Variants in CCNY observed in about 807,000 individuals in gnomAD.
CCNY encodes cyclin-Y.
CCNY carries 19 observed loss-of-function variants against 42.8 expected under a neutral mutation model. The observed-to-expected ratio is 0.44, with a 90% CI of 0.31 to 0.65. CCNY has a LOEUF of 0.65. CCNY is among the 30% of genes least tolerant of loss of function. The probability of loss-of-function intolerance (pLI) is 0.07; values close to 1 mark genes in which losing one functional copy is unlikely to be tolerated. For synonymous variants in CCNY, 165 were observed against 162.7 expected (o/e 1.01, Z -0.11); for missense variants, 370 against 437.3 (o/e 0.85, Z 1.37).
intron 3 of CCNY, among the ~76,000 whole-genome samples, chr10:35,256,618 G>T (rs930363484): frequency 6.6e-6 from 1 of 151,900 alleles, no homozygotes; most frequent in Non-Finnish European, 1.5e-5. Context: ...TGTAATCCCA[G>T]CTACTAGGGA....
At chr10:35,560,676 A>G (rs1273358923) in intron 8 of CCNY, among the ~76,000 whole-genome samples, 1 of 152,262 alleles carries the variant, frequency 6.6e-6, no homozygotes, top group Non-Finnish European at 1.5e-5. Flanking sequence ...AATGAAATCT[A>G]CATTCTAGGA....
intron 1 of CCNY, among the ~76,000 whole-genome samples, chr10:35,369,196 T>C (rs1401679167): frequency 1.3e-5 from 2 of 152,060 alleles, no homozygotes; most frequent in Non-Finnish European, 2.9e-5. Context: ...GAGGTGCTGG[T>C]GACTGTGCCT....
intron 1 of CCNY, among the ~76,000 whole-genome samples, chr10:35,438,902 C>T (rs897178892): frequency 5.3e-5 from 8 of 152,200 alleles, no homozygotes. Context: ...ATTTCCTCTT[C>T]ATTCCTTAAT....
At chr10:35,502,266 C>T (rs538225530) in intron 3 of CCNY, among the ~76,000 whole-genome samples, 7 of 152,212 alleles carry the variant, frequency 4.6e-5, no homozygotes, top group Non-Finnish European at 7.4e-5. Flanking sequence ...GAAAACTCTC[C>T]GAGAGGGATG....
rs1836052538 is a variant in CCNY, at chr10:35,336,999, C to T, written c.-55C>T. The T allele has an allele frequency of 1.5e-6, 2 of 1,323,274 alleles. No individual in the cohort carries two copies. The highest frequency in any genetic ancestry group is 3.0e-5 in the East Asian group (1 of 33,178). 82.0% of individuals were successfully genotyped at this position (1,323,274 alleles called of 1,614,324 possible). A position where few individuals can be genotyped will look rare whatever the true frequency, so the allele number is the denominator to read the frequency against. On this transcript the variant is annotated 5_prime_UTR_variant, in exon 1 of 10. Coordinates refer to ENST00000374704, the MANE Select transcript of CCNY (RefSeq NM_145012.6). ...CCGCGCCCCGCGTCCACCCGCGCCC[C>T]GCTCCCGGGGACTGGGAGAACAGGA...
rs749097042 is a variant in CCNY, at chr10:35,383,349, C to T, written c.154+46142C>T. On this transcript the variant is annotated intron_variant, in intron 1 of 9. Transcript: ENST00000374704. The stretch of plus-strand genomic sequence containing the variant: ...TTAAGATGGTGTTTTGCTCTGTTGC[C>T]CAGGCTGGAGTGCAGTGGCACAATC... Among the ~76,000 whole-genome samples the T allele has an allele frequency of 4.5e-4, 69 of 151,904 alleles. No individual in the cohort carries two copies. In the Middle Eastern group the frequency reaches 0.01, roughly 22 times the overall value.
intron 3 of CCNY, among the ~76,000 whole-genome samples, chr10:35,294,892 T>C (rs1835452469): frequency 6.6e-6 from 1 of 152,192 alleles, no homozygotes; most frequent in South Asian, 2.1e-4. Context: ...TCGTGGTAGT[T>C]TTCTGATGAT....
intron 2 of CCNY, among the ~76,000 whole-genome samples, chr10:35,249,367 G>A (rs1020866247): frequency 6.6e-6 from 1 of 152,088 alleles, no homozygotes; most frequent in South Asian, 2.1e-4. Context: ...GGGCTTTTTT[G>A]TGTATGTATA....
chr10:35,560,318 C>A (rs1841441537), intron 8 of CCNY, among the ~76,000 whole-genome samples: 1 of 152,122 alleles, frequency 6.6e-6, no homozygotes, highest in African/African-American at 2.4e-5. Context: ...CATGCAAAGC[C>A]CTCCCAACCC....
At chr10:35,300,149 C>T (rs1042053301) in intron 3 of CCNY, among the ~76,000 whole-genome samples, 2 of 152,190 alleles carry the variant, frequency 1.3e-5, no homozygotes, top group African/African-American at 4.8e-5. Flanking sequence ...TTACGTTGTG[C>T]GTGAGCCAAA....
chr10:35,494,233 G>GGCC (rs1589158229), intron 2 of CCNY, among the ~76,000 whole-genome samples: 2 of 19,900 alleles, frequency 1.0e-4, no homozygotes, highest in Non-Finnish European at 4.0e-4. Context: ...AGCATAGTGA[G>GGCC]ACCCCCCCCC....
At chr10:35,491,469 A>AGT (rs1839893292) in intron 2 of CCNY, among the ~76,000 whole-genome samples, 1 of 152,140 alleles carries the variant, frequency 6.6e-6, no homozygotes, top group Non-Finnish European at 1.5e-5. Flanking sequence ...CCGTCCTGCC[A>AGT]GTGTAAGCAT....
chr10:35,400,550 G>T (rs1005019037), intron 1 of CCNY, among the ~76,000 whole-genome samples: 2 of 152,160 alleles, frequency 1.3e-5, no homozygotes, highest in Admixed American at 1.3e-4. Context: ...TAAAATATTA[G>T]TAATTTTTTC....
At chr10:35,475,824 A>G (rs1206292363) in intron 1 of CCNY, among the ~76,000 whole-genome samples, 2 of 151,572 alleles carry the variant, frequency 1.3e-5, no homozygotes, top group East Asian at 3.9e-4. Context: ...AAATGCTCCA[A>G]TTAAAAGACA....
intron 1 of CCNY, among the ~76,000 whole-genome samples, chr10:35,393,595 T>C (rs1168037649): frequency 6.6e-6 from 1 of 152,244 alleles, no homozygotes; most frequent in African/African-American, 2.4e-5. Context: ...CTTGTGTTTT[T>C]CCTTACATCT....
intron 3 of CCNY, among the ~76,000 whole-genome samples, chr10:35,291,991 C>T (rs927890295): frequency 6.6e-6 from 1 of 152,176 alleles, no homozygotes; most frequent in African/African-American, 2.4e-5. Context: ...ACATTCCCAC[C>T]AGTAGCGTAG....
At chr10:35,321,779 A>G (rs575163370) in intron 3 of CCNY, among the ~76,000 whole-genome samples, 4 of 152,362 alleles carry the variant, frequency 2.6e-5, no homozygotes, top group Non-Finnish European at 2.9e-5. Context: ...AAAGAACAAC[A>G]AAGTTGGAAT....
intron 4 of CCNY, among the ~76,000 whole-genome samples, chr10:35,523,332 T>TG (rs1365752441): frequency 6.6e-6 from 1 of 152,178 alleles, no homozygotes. Flanking sequence ...GGGGGCGCAG[T>TG]GGGGCAGAGA....
intron 1 of CCNY, among the ~76,000 whole-genome samples, chr10:35,439,036 G>A (rs1346757793): frequency 6.6e-6 from 1 of 152,104 alleles, no homozygotes; most frequent in Non-Finnish European, 1.5e-5. Context: ...CATTCAAATT[G>A]TTTTTTCCTT....
Sources: allele counts gnomAD v4.1 joint callset (sites outside exome capture counted in the v4.1 genomes callset), GRCh38; gene constraint gnomAD v4.1.1; transcripts MANE v1.5; gene names NCBI Gene and HGNC (gene_info 2026-07-23, HGNC 2026-07-21).